Variants in SHC3 observed in about 807,000 individuals in gnomAD.
SHC3 encodes SHC adaptor protein 3.
In SHC3, 15 loss-of-function variants were observed where a neutral mutation model predicts 60.4. The ratio of observed to expected loss-of-function variants is 0.25; its 90% confidence interval spans 0.17 to 0.38. The LOEUF is 0.38. Among genes scored for constraint, SHC3 ranks in the 10% least tolerant of loss-of-function variants. The probability of loss-of-function intolerance (pLI) is 1.00; values close to 1 mark genes in which losing one functional copy is unlikely to be tolerated. For synonymous variants in SHC3, 294 were observed against 325.9 expected, an observed-to-expected ratio of 0.90 and a Z score of 1.05; for missense variants, 677 against 786.1, an observed-to-expected ratio of 0.86 and a Z score of 1.66.
At position 89,011,015 on chromosome 9, in the gene SHC3, G is replaced by A. The variant is rs1379066412; in HGVS notation, c.*2432C>T. The A allele has an allele frequency of 1.3e-5, 2 of 152,244 alleles. No homozygotes were observed. The highest frequency in any genetic ancestry group is 6.5e-5 in the Admixed American group (1 of 15,280). The allele number at this position is 152,244 out of a possible 1,614,324, so 9.4% of individuals were successfully genotyped here. A position where few individuals can be genotyped will look rare whatever the true frequency, so the allele number is the denominator to read the frequency against. Reference sequence around the variant, plus strand: ...GGAGGGAAGAGTTGGGATAACTAATGTGTGCTCTAACCCACTTTACAAATG... The same window carrying A: ...GGAGGGAAGAGTTGGGATAACTAATATGTGCTCTAACCCACTTTACAAATG... On this transcript the variant is annotated 3_prime_UTR_variant, in exon 12 of 12. Transcript: ENST00000375835.
At chr9:89,109,617 A>G (rs1825917468) in intron 2 of SHC3, 1 of 985,340 alleles carries the variant, frequency 1.0e-6, no homozygotes, top group South Asian at 4.7e-5. Context: ...CTGTGCTGAG[A>G]TCTTGTCTGG....
At chr9:89,154,020 A>G (rs941480782) in intron 1 of SHC3, among the ~76,000 whole-genome samples, 8 of 152,014 alleles carry the variant, frequency 5.3e-5, no homozygotes, top group East Asian at 3.9e-4. Context: ...GTGCAGGTGC[A>G]CCTCCATATG....
intron 2 of SHC3, among the ~76,000 whole-genome samples, chr9:89,080,243 G>A (rs1825422739): frequency 6.6e-6 from 1 of 152,136 alleles, no homozygotes; most frequent in African/African-American, 2.4e-5. Context: ...ATTTTGCCCT[G>A]TTTTTAATCA....
At chr9:89,059,807 G>A (rs1225945108) in intron 6 of SHC3, among the ~76,000 whole-genome samples, 5 of 56,940 alleles carry the variant, frequency 8.8e-5, no homozygotes, top group Admixed American at 2.2e-4. Context: ...GTGGAGGATG[G>A]TGGTGTAGGA....
At position 89,106,991 on chromosome 9, in the gene SHC3, C is replaced by A. The variant is rs566791046; in HGVS notation, c.545+5565G>T. Reference sequence around the variant, plus strand: ...CTGGTGTTCTAACGGCAGGAAGGCTCCAGCCTAATGGGTTCAGACTGTCTC... The same window carrying A: ...CTGGTGTTCTAACGGCAGGAAGGCTACAGCCTAATGGGTTCAGACTGTCTC... On this transcript the variant is annotated intron_variant, in intron 2 of 11. Transcript: ENST00000375835. 3.2e-4 allele frequency among the ~76,000 whole-genome samples: 48 copies of A among 152,270 alleles called. No individual in the cohort carries two copies. The South Asian group carries it at 9.8e-3, about 31-fold the overall frequency.
chr9:89,118,823 C>G (rs1303794549), intron 1 of SHC3, among the ~76,000 whole-genome samples: 2 of 152,010 alleles, frequency 1.3e-5, no homozygotes, highest in Non-Finnish European at 2.9e-5. Context: ...ATTTAACCAC[C>G]CACAGACACT....
intron 1 of SHC3, among the ~76,000 whole-genome samples, chr9:89,156,228 C>T (rs1323468841): frequency 6.6e-6 from 1 of 152,106 alleles, no homozygotes; most frequent in Admixed American, 6.6e-5. Context: ...TGGAGCGGGC[C>T]ATGTGGAAAG....
chr9:89,132,671 A>G (rs1326356161), intron 1 of SHC3, among the ~76,000 whole-genome samples: 1 of 152,230 alleles, frequency 6.6e-6, no homozygotes, highest in Admixed American at 6.5e-5. Context: ...AGGATTCCCT[A>G]TTTAATAAAT....
rs1479387491 is a variant in SHC3, at chr9:89,142,667, C to A, written c.475-30041G>T. ...CTCCAGCCTGGGCGACAGAGTGAGA[C>A]TCTGTCAAAAAAAAAAAAAAAAAAG... On this transcript the variant is annotated intron_variant, in intron 1 of 11. Coordinates refer to ENST00000375835, the MANE Select transcript of SHC3 (RefSeq NM_016848.6). Among the ~76,000 whole-genome samples the A allele has an allele frequency of 7.4e-5, 10 of 135,814 alleles. No homozygotes were observed. The Admixed American group carries it at 7.6e-4, about 10-fold the overall frequency. The allele number at this position is 135,814 out of a possible 152,430, so 89.1% of individuals were successfully genotyped here.
At chr9:89,152,249 C>T (rs1370150719) in intron 1 of SHC3, among the ~76,000 whole-genome samples, 2 of 152,214 alleles carry the variant, frequency 1.3e-5, no homozygotes, top group African/African-American at 4.8e-5. Context: ...GTGAATTGGG[C>T]ATCTCTTTAA....
intron 11 of SHC3, among the ~76,000 whole-genome samples, chr9:89,014,445 A>G (rs765906859): frequency 4.6e-5 from 7 of 152,106 alleles, no homozygotes; most frequent in African/African-American, 1.7e-4. Context: ...TAAGTGGGAG[A>G]TGGGGGCAGA....
At chr9:89,045,912 C>A in intron 8 of SHC3, 79 bp from the exon 9 acceptor site, 7 of 1,424,592 alleles carry the variant, frequency 4.9e-6, no homozygotes, top group South Asian at 3.5e-5. Context: ...ACAAGACAGT[C>A]GGCGAGTTGA....
intron 2 of SHC3, among the ~76,000 whole-genome samples, chr9:89,100,578 A>G (rs7042523): frequency 0.014 from 2,081 of 152,266 alleles, 46 homozygotes; most frequent in African/African-American, 0.045. Context: ...CATCAAATCA[A>G]GAGATAGAAT....
At position 89,040,003 on chromosome 9, in the gene SHC3, G is replaced by GCCA. The variant is rs569966580; in HGVS notation, c.1361-1718_1361-1716dup. 4.1e-3 allele frequency among the ~76,000 whole-genome samples: 525 copies of GCCA among 129,450 alleles called. 1 individual carries two copies. The highest frequency in any genetic ancestry group is 0.014 in the African/African-American group (477 of 34,478). 84.9% of individuals were successfully genotyped at this position (129,450 alleles called of 152,430 possible). A position where few individuals can be genotyped will look rare whatever the true frequency, so the allele number is the denominator to read the frequency against. On this transcript the variant is annotated intron_variant, in intron 10 of 11. Coordinates refer to ENST00000375835, the MANE Select transcript of SHC3 (RefSeq NM_016848.6). ...CATCAGCACTATCACCATCACCATT[G>GCCA]CCACCACCACCACCACCACCATCGG...
At chr9:89,073,423 G>A (rs1825305459) in intron 4 of SHC3, among the ~76,000 whole-genome samples, 1 of 152,202 alleles carries the variant, frequency 6.6e-6, no homozygotes, top group Non-Finnish European at 1.5e-5. Flanking sequence ...GTAGAGGGGA[G>A]CGGCTGTTGT....
At chr9:89,027,406 GC>G (rs1188265077) in intron 11 of SHC3, among the ~76,000 whole-genome samples, 1 of 146,928 alleles carries the variant, frequency 6.8e-6, no homozygotes, top group African/African-American at 2.6e-5. Flanking sequence ...TGCAGGCTGT[GC>G]CCCCCGGGTT....
chr9:89,057,567 A>G (rs902222071), intron 6 of SHC3, among the ~76,000 whole-genome samples: 5 of 152,142 alleles, frequency 3.3e-5, no homozygotes, highest in Admixed American at 3.3e-4. Flanking sequence ...AAAGTTGAGG[A>G]TGTCCAAAAC....
chr9:89,074,683 C>T (rs1825325799), intron 4 of SHC3, among the ~76,000 whole-genome samples: 1 of 117,038 alleles, frequency 8.5e-6, no homozygotes, highest in African/African-American at 3.3e-5. Flanking sequence ...AACAATGAGC[C>T]ACTAAAGCAA....
At chr9:89,122,385 T>A (rs182359674) in intron 1 of SHC3, among the ~76,000 whole-genome samples, 117 of 152,364 alleles carry the variant, frequency 7.7e-4, no homozygotes, top group Non-Finnish European at 1.3e-3. Context: ...TTTAAAATTG[T>A]CGTCATTGCC....
Sources: allele counts gnomAD v4.1 joint callset (sites outside exome capture counted in the v4.1 genomes callset), GRCh38; gene constraint gnomAD v4.1.1; transcripts MANE v1.5; gene names NCBI Gene and HGNC (gene_info 2026-07-23, HGNC 2026-07-21).